The following AKAP11 variants were observed in gnomAD, a reference collection of about 807,000 sequenced individuals.
AKAP11 encodes the protein A-kinase anchor protein 11.
In AKAP11, 36 loss-of-function variants were observed where a neutral mutation model predicts 146.1. The ratio of observed to expected loss-of-function variants is 0.25; its 90% confidence interval spans 0.19 to 0.33. The LOEUF is 0.33. AKAP11 is among the 10% of genes least tolerant of loss of function. AKAP11 has a pLI of 1.00. For synonymous variants in AKAP11, 780 were observed against 786.5 expected, an observed-to-expected ratio of 0.99 and a Z score of 0.14; for missense variants, 2,201 against 2,197.0, an observed-to-expected ratio of 1.00 and a Z score of -0.04.
chr13:42,311,766 C>A (rs950958873), intron 9 of AKAP11, among the ~76,000 whole-genome samples: 1 of 152,048 alleles, frequency 6.6e-6, no homozygotes, highest in African/African-American at 2.4e-5. Flanking sequence ...TCACAGCTGT[C>A]TGTCCATTCT....
chr13:42,292,962 ATTACT>A (rs896997651), intron 4 of AKAP11, among the ~76,000 whole-genome samples: 3 of 152,196 alleles, frequency 2.0e-5, no homozygotes, highest in Admixed American at 6.5e-5. Flanking sequence ...TACTTACTCT[ATTACT>A]TGAGGATAAG....
At chr13:42,306,859 G>A (rs1960285580) in intron 8 of AKAP11, among the ~76,000 whole-genome samples, 1 of 152,012 alleles carries the variant, frequency 6.6e-6, no homozygotes, top group Non-Finnish European at 1.5e-5. Flanking sequence ...GTTTGTTGTT[G>A]TTTGTTTGTA....
Position 42,317,566 on chromosome 13 carries a change from A to G in AKAP11, c.5443A>G (p.Ile1815Val). The change falls in exon 12 of 13, where the codon ATT (isoleucine) becomes GTT (valine). Residue 1815 changes from isoleucine to valine, a missense_variant. This residue lies in a region of AKAP11 where 1,867 missense variants were observed against 1,833.5 expected (regional missense o/e 1.02). Transcript: ENST00000025301. Reference sequence around the variant, plus strand: ...TGGAAAGACACTGCTAATTACGAATATTGACATGGAGCCATGCACGGTAGA... The same window carrying G: ...TGGAAAGACACTGCTAATTACGAATGTTGACATGGAGCCATGCACGGTAGA... ...QDGKTLLITN[I>V]DMEPCTVDPQ... The G allele has an allele frequency of 6.2e-7, 1 of 1,614,066 alleles. No homozygotes were observed. The highest frequency in any genetic ancestry group is 8.5e-7 in the Non-Finnish European group (1 of 1,179,990).
At chr13:42,291,773 A>G (rs1398197717) in intron 3 of AKAP11, among the ~76,000 whole-genome samples, 2 of 152,170 alleles carry the variant, frequency 1.3e-5, no homozygotes, top group East Asian at 1.9e-4. Flanking sequence ...TAAGTGTTCT[A>G]TTTATGCCTG....
chr13:42,314,305 C>T (rs185032913), intron 11 of AKAP11, among the ~76,000 whole-genome samples: 83 of 152,004 alleles, frequency 5.5e-4, no homozygotes, highest in African/African-American at 1.9e-3. Flanking sequence ...ATTAGCTGGG[C>T]GTGGTGGCGG....
chr13:42,313,844 A>T lies in AKAP11; in HGVS notation c.5358-50A>T, dbSNP rs777352384. 3.9e-6 allele frequency: 6 copies of T among 1,534,322 alleles called. 1 individual carries two copies. The highest frequency in any genetic ancestry group is 1.7e-5 in the Admixed American group (1 of 58,478). Reference sequence around the variant, plus strand: ...ATTTTTAAGAATTTGTTTTGATACCATTATTAATTAAATTTTTTTTGTAAC... The same window carrying T: ...ATTTTTAAGAATTTGTTTTGATACCTTTATTAATTAAATTTTTTTTGTAAC... On this transcript the variant is annotated intron_variant, in intron 10 of 12. Transcript: ENST00000025301.
upstream of AKAP11, among the ~76,000 whole-genome samples, chr13:42,271,763 A>T (rs1958771602): frequency 6.6e-6 from 1 of 151,944 alleles, no homozygotes; most frequent in South Asian, 2.1e-4. Flanking sequence ...CGTCCGCCGC[A>T]GGTTCGTAGG....
At chr13:42,315,937 G>T (rs1960800075) in intron 11 of AKAP11, among the ~76,000 whole-genome samples, 1 of 152,140 alleles carries the variant, frequency 6.6e-6, no homozygotes, top group Non-Finnish European at 1.5e-5. Flanking sequence ...TCTAAAGAGA[G>T]AGCCGTTTGG....
intron 1 of AKAP11, among the ~76,000 whole-genome samples, chr13:42,272,557 G>A (rs1756982991): frequency 6.6e-6 from 1 of 152,172 alleles, no homozygotes; most frequent in South Asian, 2.1e-4. Context: ...TTCCATCCCC[G>A]GGGTGGTCTT....
chr13:42,287,029 T>G (rs1310522101), intron 3 of AKAP11, among the ~76,000 whole-genome samples: 2 of 152,236 alleles, frequency 1.3e-5, no homozygotes, highest in Non-Finnish European at 2.9e-5. Flanking sequence ...TGACCAATCC[T>G]TACACATTAA....
At position 42,317,704 on chromosome 13, in the gene AKAP11, A is replaced by G. The variant is rs1321829229; in HGVS notation, c.5565+16A>G. The G allele has an allele frequency of 1.2e-6, 2 of 1,610,290 alleles. No individual in the cohort carries two copies. ...GTTTATGCTAGTAAGTACCTACCTTACAGAGTGTGAGGATACATTTAACAG... is the reference window on the plus strand; with the variant it reads ...GTTTATGCTAGTAAGTACCTACCTTGCAGAGTGTGAGGATACATTTAACAG... On this transcript the variant is annotated intron_variant, in intron 12 of 12. Coordinates refer to ENST00000025301, the MANE Select transcript of AKAP11 (RefSeq NM_016248.4).
chr13:42,315,840 A>G (rs1455128934), intron 11 of AKAP11, among the ~76,000 whole-genome samples: 22 of 152,224 alleles, frequency 1.4e-4, no homozygotes. Context: ...TGGAAATCCC[A>G]AGGCAACAAA....
intron 7 of AKAP11, 32 bp downstream of exon 7, chr13:42,298,829 A>C (rs763737830): frequency 5.2e-6 from 8 of 1,534,086 alleles, no homozygotes; most frequent in Admixed American, 2.5e-5. Flanking sequence ...TTCCTAAAAT[A>C]GGGAATTAAA....
Position 42,321,717 on chromosome 13 carries a change from C to A in AKAP11, c.*2489C>A, listed in dbSNP as rs1056124891. On this transcript the variant is annotated 3_prime_UTR_variant, in exon 13 of 13. Coordinates refer to ENST00000025301, the MANE Select transcript of AKAP11 (RefSeq NM_016248.4). The stretch of plus-strand genomic sequence containing the variant: ...TTGGTTGCTCTATAGTCAAACAGCT[C>A]TTTTGAAGACAACTGTCTTATTTTA... 2 of 152,254 alleles carry A rather than the reference C, an allele frequency of 1.3e-5. No individual in the cohort carries two copies. Among genetic ancestry groups the A allele is most frequent in the Non-Finnish European group, 2.9e-5 (2 of 67,982 alleles). The allele number at this position is 152,254 out of a possible 1,614,324, so 9.4% of individuals were successfully genotyped here. A position where few individuals can be genotyped will look rare whatever the true frequency, so the allele number is the denominator to read the frequency against.
chr13:42,307,477 AG>A (rs1960321656), intron 8 of AKAP11, among the ~76,000 whole-genome samples: 1 of 152,118 alleles, frequency 6.6e-6, no homozygotes. Flanking sequence ...GGTGGCCATT[AG>A]GGCTGGTTTA....
At position 42,286,319 on chromosome 13, in the gene AKAP11, T is replaced by C. The variant is rs1029532476; in HGVS notation, c.-30T>C. 10 of 1,506,106 alleles carry C rather than the reference T, an allele frequency of 6.6e-6. No homozygotes were observed. In the Admixed American group the frequency reaches 1.2e-4, roughly 18 times the overall value. 93.3% of individuals were successfully genotyped at this position (1,506,106 alleles called of 1,614,324 possible). ...CTTTAGGTGTTTTGTGGATTAACTC[T>C]TCATTGATTATATACAACAAAAAAT... On this transcript the variant is annotated 5_prime_UTR_variant, in exon 3 of 13. Transcript: ENST00000025301.
chr13:42,320,278 T>C lies in AKAP11; in HGVS notation c.*1050T>C, dbSNP rs1248493153. ...AAGAATGTGGTGTTTTTTTTGTTTG[T>C]TTGTTTGTTTGTTTTAGAAAAATTG... On this transcript the variant is annotated 3_prime_UTR_variant, in exon 13 of 13. Transcript: ENST00000025301. 1.9e-5 allele frequency: 2 copies of C among 103,762 alleles called. No homozygotes were observed. The highest frequency in any genetic ancestry group is 4.9e-5 in the Non-Finnish European group (2 of 40,994). The allele number at this position is 103,762 out of a possible 1,614,324, so 6.4% of individuals were successfully genotyped here.
intron 1 of AKAP11, among the ~76,000 whole-genome samples, chr13:42,281,440 G>A (rs974985880): frequency 1.3e-5 from 2 of 152,112 alleles, no homozygotes; most frequent in Non-Finnish European, 2.9e-5. Context: ...TCAAGATATG[G>A]CAATATTGTT....
In AKAP11 at chr13:42,302,841, T is replaced by A; in HGVS notation, c.4095T>A (p.Asp1365Glu). Residue 1365 changes from aspartate (D) to glutamate (E), a missense_variant, in exon 8 of 13, where the codon GAT (aspartate) becomes GAA (glutamate). Coordinates refer to ENST00000025301, the MANE Select transcript of AKAP11 (RefSeq NM_016248.4). ...GTGGTAATAGTGAGTTGATAATGGATCAGTATGCCAATAGGCTTGCCTACC... is the reference window on the plus strand; with the variant it reads ...GTGGTAATAGTGAGTTGATAATGGAACAGTATGCCAATAGGCTTGCCTACC... The part of the protein sequence containing the change: ...QEGGNSELIM[D>E]QYANRLAYRS... 6.2e-7 allele frequency: 1 copy of A among 1,613,872 alleles called. No individual in the cohort carries two copies. The highest frequency in any genetic ancestry group is 1.1e-5 in the South Asian group (1 of 91,048).
Sources: allele counts gnomAD v4.1 joint callset (sites outside exome capture counted in the v4.1 genomes callset), GRCh38; gene constraint gnomAD v4.1.1; regional missense constraint gnomAD v4.1.1; transcripts MANE v1.5; gene names NCBI Gene and HGNC (gene_info 2026-07-23, HGNC 2026-07-21).